ADGRV1: variants seen among roughly 807,000 people sequenced by gnomAD.
ADGRV1 encodes the protein adhesion G protein-coupled receptor V1, also known as G-protein coupled receptor 98.
A neutral mutation model predicts 596.2 loss-of-function variants in ADGRV1; 359 were observed. The observed-to-expected ratio is 0.60, with a 90% CI of 0.55 to 0.66. The LOEUF (loss-of-function observed/expected upper bound fraction) is 0.66. Among genes scored for constraint, ADGRV1 ranks in the 30% least tolerant of loss-of-function variants. The pLI is 0.00. For synonymous variants in ADGRV1, 2,681 were observed against 2,679.2 expected, an observed-to-expected ratio of 1.00 and a Z score of -0.02; for missense variants, 7,274 against 7,575.6, an observed-to-expected ratio of 0.96 and a Z score of 1.48.
At chr5:90,797,287 C>CAAAAA (rs780696194) in intron 70 of ADGRV1, among the ~76,000 whole-genome samples, 28 of 26,350 alleles carry the variant, frequency 1.1e-3, no homozygotes, top group East Asian at 1.4e-3. Context: ...AAATGAAAAG[C>CAAAAA]AAAAAAAAAA....
At chr5:90,924,919 G>T (rs564773216) in intron 83 of ADGRV1, among the ~76,000 whole-genome samples, 1 of 151,728 alleles carries the variant, frequency 6.6e-6, no homozygotes, top group East Asian at 1.9e-4. Context: ...TTTTTCTCAG[G>T]TTTGTCAAGG....
At chr5:90,687,488 C>A (rs192331544) in intron 29 of ADGRV1, among the ~76,000 whole-genome samples, 1 of 152,084 alleles carries the variant, frequency 6.6e-6, no homozygotes, top group African/African-American at 2.4e-5. Flanking sequence ...AAAACTGGCA[C>A]AAGACAGGGA....
At chr5:91,038,789 T>C (rs1163418522) in intron 85 of ADGRV1, among the ~76,000 whole-genome samples, 2 of 152,172 alleles carry the variant, frequency 1.3e-5, no homozygotes, top group Admixed American at 6.5e-5. Flanking sequence ...CTGTAGGGAA[T>C]TGAGATGTCA....
At chr5:90,996,768 G>A (rs1247126145) in intron 85 of ADGRV1, among the ~76,000 whole-genome samples, 1 of 152,196 alleles carries the variant, frequency 6.6e-6, no homozygotes, top group Non-Finnish European at 1.5e-5. Flanking sequence ...CAGAGCACAG[G>A]GTCAGAGCTG....
Position 90,658,075 on chromosome 5 carries a change from A to G in ADGRV1, c.4549A>G (p.Arg1517Gly), listed in dbSNP as rs750903464. The G allele has an allele frequency of 6.2e-7, 1 of 1,613,866 alleles. No individual in the cohort carries two copies. The highest frequency in any genetic ancestry group is 1.3e-5 in the African/African-American group (1 of 74,944). Residue 1517 changes from arginine to glycine, a missense_variant, in exon 21 of 90, where the codon AGA becomes GGA. Coordinates refer to ENST00000405460, the MANE Select transcript of ADGRV1 (RefSeq NM_032119.4). ...LHPISGYLEF[R>G]QGETNKSFII... ...CCCAATTTCTGGATATCTGGAGTTC[A>G]GACAGGGAGAAACTAACAAATCATT...
chr5:90,729,564 T>A (rs1177056463), intron 49 of ADGRV1, 78 bp from the exon 50 acceptor site: 8 of 1,090,568 alleles, frequency 7.3e-6, no homozygotes, highest in Non-Finnish European at 9.3e-6. Context: ...ATATTTTTAT[T>A]ATAGTTTTAT....
In ADGRV1 at chr5:90,561,468, G is replaced by A. The variant is rs866538111; in HGVS notation, c.22+2551G>A. 4.6e-5 allele frequency among the ~76,000 whole-genome samples: 7 copies of A among 152,058 alleles called. No individual in the cohort carries two copies. In the South Asian group the frequency reaches 6.2e-4, roughly 13 times the overall value. On this transcript the variant is annotated intron_variant, in intron 1 of 89. Coordinates refer to ENST00000405460, the MANE Select transcript of ADGRV1 (RefSeq NM_032119.4). ...TATTAATTGTTTGATTTATTGTCAC[G>A]CAAACAAATGCCACCTCATGCCGTT...
chr5:90,574,082 A>G (rs1294643616), intron 1 of ADGRV1, among the ~76,000 whole-genome samples: 2 of 151,976 alleles, frequency 1.3e-5, no homozygotes, highest in African/African-American at 4.8e-5. Flanking sequence ...GACATCTGGT[A>G]GTGTGATGCC....
rs552988728 is a variant in ADGRV1 at position 90,646,380 on chromosome 5, T to TC, written c.3022+294dup. 1.3e-3 allele frequency among the ~76,000 whole-genome samples: 191 copies of TC among 150,992 alleles called. 3 individuals are homozygous for TC. In the South Asian group the frequency reaches 0.022, roughly 18 times the overall value. On this transcript the variant is annotated intron_variant, in intron 16 of 89. Coordinates refer to ENST00000405460, the MANE Select transcript of ADGRV1 (RefSeq NM_032119.4). Reference sequence around the variant, plus strand: ...AATAAGTACTGTTTTATTATCTTTTTCCCCCTTTCAGATTTCTCGGTATTT... The same window carrying TC: ...AATAAGTACTGTTTTATTATCTTTTTCCCCCCTTTCAGATTTCTCGGTATTT...
At chr5:90,856,636 A>G (rs1366742013) in intron 82 of ADGRV1, among the ~76,000 whole-genome samples, 1 of 152,152 alleles carries the variant, frequency 6.6e-6, no homozygotes, top group Non-Finnish European at 1.5e-5. Flanking sequence ...ACAAGGTGCT[A>G]TACAGTGAAT....
chr5:91,107,864 A>G (rs144944135), intron 87 of ADGRV1, among the ~76,000 whole-genome samples: 1 of 152,314 alleles, frequency 6.6e-6, no homozygotes, highest in Non-Finnish European at 1.5e-5. Flanking sequence ...TTGAGCTCTT[A>G]TGGAGGTTTG....
chr5:90,762,744 C>T (rs1456892152), intron 58 of ADGRV1: 1 of 152,248 alleles, frequency 6.6e-6, no homozygotes, highest in Non-Finnish European at 1.5e-5. Flanking sequence ...CAGTTTAGGT[C>T]TGTATTATGT....
At chr5:90,895,654 T>C (rs755541003) in intron 83 of ADGRV1, among the ~76,000 whole-genome samples, 1 of 152,194 alleles carries the variant, frequency 6.6e-6, no homozygotes, top group Non-Finnish European at 1.5e-5. Flanking sequence ...ATCTGTCGCC[T>C]TTTCAGCAAA....
rs779399497 is a variant in ADGRV1 at position 90,657,983 on chromosome 5, A to G, written c.4457A>G (p.Tyr1486Cys). ...GGTCTGATGCAGGATGTGAGGTCCT[A>G]TGAGCGGAAACTGACGCTTGAAGAA... The part of the protein sequence containing the change: ...FTGLMQDVRS[Y>C]ERKLTLEEIY... Residue 1486 changes from tyrosine (Y) to cysteine (C), a missense_variant, in exon 21 of 90, where the codon TAT becomes TGT. Physicochemically the swap from Tyr to Cys is radical, Grantham distance 194. Coordinates refer to ENST00000405460, the MANE Select transcript of ADGRV1 (RefSeq NM_032119.4). 1.2e-6 allele frequency: 2 copies of G among 1,613,958 alleles called. No homozygotes were observed. The highest frequency in any genetic ancestry group is 1.7e-6 in the Non-Finnish European group (2 of 1,179,854).
chr5:90,737,533 G>T (rs1753401535), intron 50 of ADGRV1, among the ~76,000 whole-genome samples: 2 of 151,856 alleles, frequency 1.3e-5, no homozygotes, highest in Non-Finnish European at 2.9e-5. Flanking sequence ...GGATACTGGG[G>T]TCCCCTACTA....
At chr5:90,936,294 A>T (rs770234415) in intron 83 of ADGRV1, among the ~76,000 whole-genome samples, 43 of 151,970 alleles carry the variant, frequency 2.8e-4, no homozygotes, top group African/African-American at 7.5e-4. Context: ...CTCCTCTCTC[A>T]CACACACACA....
intron 50 of ADGRV1, among the ~76,000 whole-genome samples, chr5:90,732,104 C>T (rs1385629693): frequency 6.6e-6 from 1 of 152,020 alleles, no homozygotes. Context: ...GAGTTCAAGC[C>T]GTACTCCCAC....
chr5:90,867,618 G>A (rs748633776), intron 83 of ADGRV1, among the ~76,000 whole-genome samples: 12 of 152,204 alleles, frequency 7.9e-5, no homozygotes, highest in Non-Finnish European at 1.3e-4. Flanking sequence ...CAGAAGTCCT[G>A]TGTGACTTCC....
At chr5:90,581,837 C>T (rs1758104241) in intron 1 of ADGRV1, among the ~76,000 whole-genome samples, 1 of 152,218 alleles carries the variant, frequency 6.6e-6, no homozygotes, top group African/African-American at 2.4e-5. Context: ...TAAGTTTCTT[C>T]TTAACACTGC....
Sources: allele counts gnomAD v4.1 joint callset (sites outside exome capture counted in the v4.1 genomes callset), GRCh38; gene constraint gnomAD v4.1.1; transcripts MANE v1.5; gene names NCBI Gene and HGNC (gene_info 2026-07-23, HGNC 2026-07-21).